Variants in SEMA6A observed in about 807,000 individuals in gnomAD.
SEMA6A encodes the protein semaphorin-6A.
Under a neutral mutation model 96.8 loss-of-function variants are expected in SEMA6A, and 25 were observed. That is an observed-to-expected ratio of 0.26 (90% CI 0.19 to 0.36). SEMA6A has a LOEUF of 0.36. SEMA6A is among the 10% of genes least tolerant of loss of function. The probability of loss-of-function intolerance (pLI) is 1.00; values close to 1 mark genes in which losing one functional copy is unlikely to be tolerated. For missense variants in SEMA6A, 1,363 were observed against 1,323.1 expected (o/e 1.03, Z -0.47); for synonymous variants, 612 against 518.0 (o/e 1.18, Z -2.46).
At position 116,447,192 on chromosome 5, in the gene SEMA6A, C is replaced by T. The variant is rs776427229; in HGVS notation, c.2514G>A (p.Val838=). The T allele has an allele frequency of 1.2e-5, 19 of 1,613,944 alleles. No individual in the cohort carries two copies. The Admixed American group carries it at 2.0e-4, about 17-fold the overall frequency. ...CCTGGTCCTCCAGCGCCATCTGGGCCACCTCGCTCATTTTGGGCTGGTCCA... is the reference window on the plus strand; with the variant it reads ...CCTGGTCCTCCAGCGCCATCTGGGCTACCTCGCTCATTTTGGGCTGGTCCA... ...EYVDQPKMSE[V]AQMALEDQAA... The change falls in exon 19 of 19, where the codon GTG becomes GTA. Residue 838 remains valine (V), a synonymous_variant. Coordinates refer to ENST00000343348, the MANE Select transcript of SEMA6A (RefSeq NM_020796.5).
At position 116,509,607 on chromosome 5, in the gene SEMA6A, T is replaced by TGAGAGAGAGA. The variant is rs113431602; in HGVS notation, c.-38-4635_-38-4626dup. 3.1e-4 allele frequency among the ~76,000 whole-genome samples: 46 copies of TGAGAGAGAGA among 150,558 alleles called. No individual in the cohort carries two copies. In the East Asian group the frequency reaches 6.3e-3, roughly 21 times the overall value. On this transcript the variant is annotated intron_variant, in intron 1 of 18. Coordinates refer to ENST00000343348, the MANE Select transcript of SEMA6A (RefSeq NM_020796.5). ...GTGAAGAAGGGTGTCTCTGTGTGTG[T>TGAGAGAGAGA]GAGAGAGAGAGAGAGAGCATGCGAT...
chr5:116,509,368 A>G (rs1460710339), intron 1 of SEMA6A, among the ~76,000 whole-genome samples: 2 of 152,194 alleles, frequency 1.3e-5, no homozygotes, highest in Non-Finnish European at 2.9e-5. Flanking sequence ...TAAAAAGCTC[A>G]TTTTCTAATA....
chr5:116,548,946 G>T (rs915337673), intron 1 of SEMA6A, among the ~76,000 whole-genome samples: 1 of 152,212 alleles, frequency 6.6e-6, no homozygotes, highest in Admixed American at 6.5e-5. Flanking sequence ...GCATGATCTT[G>T]TAGATAGAGT....
At position 116,447,145 on chromosome 5, in the gene SEMA6A, G is replaced by C. The variant is rs368044534; in HGVS notation, c.2561C>G (p.Thr854Ser). Reference sequence around the variant, plus strand: ...CTTGCTGCTGAGATGTTCCTTGATGGTCTTATACTCCAGTGTGGCGGCCTG... The same window carrying C: ...CTTGCTGCTGAGATGTTCCTTGATGCTCTTATACTCCAGTGTGGCGGCCTG... ...EDQAATLEYKTIKEHLSSKSP... is the reference protein window; with the variant it reads ...EDQAATLEYKSIKEHLSSKSP... The change falls in exon 19 of 19, where the codon ACC becomes AGC. Residue 854 changes from threonine to serine, a missense_variant. Thr to Ser is a moderately conservative substitution (Grantham distance 58, BLOSUM62 1). This residue lies in a region of SEMA6A where 883 missense variants were observed against 763.6 expected (regional missense o/e 1.16). Coordinates refer to ENST00000343348, the MANE Select transcript of SEMA6A (RefSeq NM_020796.5). 6.2e-7 allele frequency: 1 copy of C among 1,613,858 alleles called. No individual in the cohort carries two copies. The highest frequency in any genetic ancestry group is 8.5e-7 in the Non-Finnish European group (1 of 1,179,886).
chr5:116,508,777 C>A (rs1251761171), intron 1 of SEMA6A, among the ~76,000 whole-genome samples: 1 of 152,180 alleles, frequency 6.6e-6, no homozygotes, highest in Non-Finnish European at 1.5e-5. Flanking sequence ...GGGCTCTCTC[C>A]AGACGGAAAC....
chr5:116,513,148 A>G (rs1282185916), intron 1 of SEMA6A, among the ~76,000 whole-genome samples: 1 of 151,426 alleles, frequency 6.6e-6, no homozygotes, highest in Non-Finnish European at 1.5e-5. Context: ...TTCCCCCGCG[A>G]CGGAGTTTCG....
intron 13 of SEMA6A, 118 bp from the exon 14 acceptor site, chr5:116,478,272 A>T: frequency 8.2e-7 from 1 of 1,223,834 alleles, no homozygotes; most frequent in Non-Finnish European, 1.1e-6. Flanking sequence ...GCGGTGAAAC[A>T]AACAAACCCT....
At chr5:116,522,905 CCT>C (rs1438551197) in intron 1 of SEMA6A, among the ~76,000 whole-genome samples, 1 of 152,134 alleles carries the variant, frequency 6.6e-6, no homozygotes, top group Admixed American at 6.5e-5. Context: ...AGTGTCCTCC[CCT>C]GAGACAGTCA....
Position 116,486,853 on chromosome 5 carries a change from AG to A in SEMA6A, c.857del (p.Pro286LeufsTer17). 6.2e-7 allele frequency: 1 copy of A among 1,613,866 alleles called. No homozygotes were observed. Among genetic ancestry groups the A allele is most frequent in the Admixed American group, 1.7e-5 (1 of 60,016 alleles). On this transcript the variant is annotated frameshift_variant, in exon 10 of 19. Coordinates refer to ENST00000343348, the MANE Select transcript of SEMA6A (RefSeq NM_020796.5). LOFTEE classifies it high-confidence loss of function. ...FLKARLNCSV[P>X]GDSHFYFNIL... is the part of the protein sequence containing the mutation. ...TGTTGAAATAAAAATGAGAGTCTCC[AG>A]GAACTGAGCAGTTCAAGCGCGCCTT...
chr5:116,453,200 C>T (rs1754759648), intron 18 of SEMA6A, among the ~76,000 whole-genome samples: 1 of 152,150 alleles, frequency 6.6e-6, no homozygotes, highest in African/African-American at 2.4e-5. Flanking sequence ...CCCTTCCATA[C>T]TCAAGCTTGC....
Position 116,445,349 on chromosome 5 carries a change from C to G in SEMA6A, c.*1264G>C, listed in dbSNP as rs1258336326. 1 of 152,618 alleles carries G rather than the reference C, an allele frequency of 6.6e-6. No homozygotes were observed. Among genetic ancestry groups the G allele is most frequent in the East Asian group, 1.9e-4 (1 of 5,198 alleles). The allele number at this position is 152,618 out of a possible 1,614,324, so 9.5% of individuals were successfully genotyped here. On this transcript the variant is annotated 3_prime_UTR_variant, in exon 19 of 19. Transcript: ENST00000343348. Reference sequence around the variant, plus strand: ...AAACAGGCTATTCACAGATGTAACCCCACGAAGAACCCGTGTGATCAAATC... The same window carrying G: ...AAACAGGCTATTCACAGATGTAACCGCACGAAGAACCCGTGTGATCAAATC...
At chr5:116,534,692 G>A (rs918774485) in intron 1 of SEMA6A, among the ~76,000 whole-genome samples, 1 of 152,214 alleles carries the variant, frequency 6.6e-6, no homozygotes, top group Non-Finnish European at 1.5e-5. Context: ...AGTGGGAAAT[G>A]AGCTTGTATG....
chr5:116,474,945 C>G lies in SEMA6A; in HGVS notation c.1708+600G>C, dbSNP rs138094680. Among the ~76,000 whole-genome samples the G allele has an allele frequency of 5.3e-5, 8 of 152,262 alleles. No homozygotes were observed. In the East Asian group the frequency reaches 1.5e-3, roughly 29 times the overall value. ...TGAGCCAGATCCTTTACGTAAAGTT[C>G]TAACTAAAATGTTACCATTTAATAA... is the stretch of plus-strand genomic sequence containing the variant. On this transcript the variant is annotated intron_variant, in intron 16 of 18. Coordinates refer to ENST00000343348, the MANE Select transcript of SEMA6A (RefSeq NM_020796.5).
rs1754033241 is a variant in SEMA6A, at chr5:116,443,815, T to TGG, written c.*2796_*2797dup. On this transcript the variant is annotated 3_prime_UTR_variant, in exon 19 of 19. Coordinates refer to ENST00000343348, the MANE Select transcript of SEMA6A (RefSeq NM_020796.5). The stretch of plus-strand genomic sequence containing the variant: ...GAAAGCAAAGGCACACTCGGGTTTA[T>TGG]GGACCCTCCCCCCACACACAGTGGG... 1.3e-5 allele frequency: 2 copies of TGG among 152,720 alleles called. No individual in the cohort carries two copies. Among genetic ancestry groups the TGG allele is most frequent in the South Asian group, 4.1e-4 (2 of 4,826 alleles). The allele number at this position is 152,720 out of a possible 1,614,324, so 9.5% of individuals were successfully genotyped here.
At chr5:116,458,822 CA>C (rs1366018996) in intron 18 of SEMA6A, among the ~76,000 whole-genome samples, 1 of 151,962 alleles carries the variant, frequency 6.6e-6, no homozygotes, top group East Asian at 1.9e-4. Context: ...TTAATTATAT[CA>C]AATCTACATC....
chr5:116,515,874 T>C (rs1758645663), intron 1 of SEMA6A, among the ~76,000 whole-genome samples: 1 of 152,208 alleles, frequency 6.6e-6, no homozygotes, highest in Non-Finnish European at 1.5e-5. Context: ...AGTCGCTCCG[T>C]TGAGCTCTGA....
chr5:116,462,854 A>G (rs1755498254), intron 18 of SEMA6A, among the ~76,000 whole-genome samples: 1 of 152,222 alleles, frequency 6.6e-6, no homozygotes, highest in Non-Finnish European at 1.5e-5. Flanking sequence ...AATTTTAGTC[A>G]TAACAATGAA....
intron 1 of SEMA6A, among the ~76,000 whole-genome samples, chr5:116,529,062 G>A (rs1759352267): frequency 1.3e-5 from 2 of 152,150 alleles, no homozygotes; most frequent in South Asian, 4.1e-4. Flanking sequence ...GTCTCTAAGG[G>A]TGTTATTAAC....
chr5:116,478,176 A>G (rs556530420), intron 13 of SEMA6A, 22 bp from the exon 14 acceptor site: 7 of 1,612,638 alleles, frequency 4.3e-6, no homozygotes, highest in Non-Finnish European at 5.1e-6. Context: ...AGGCAAGATA[A>G]TATCATTAAT....
Sources: gnomAD v4.1 joint callset for allele counts (sites outside exome capture counted in the v4.1 genomes callset) on GRCh38, gnomAD v4.1.1 for gene constraint, gnomAD v4.1.1 regional missense constraint, MANE v1.5 for transcripts, NCBI Gene and HGNC (gene_info 2026-07-23, HGNC 2026-07-21) for gene names.